BARD1: variants seen among roughly 807,000 people sequenced by gnomAD.
BARD1 encodes BRCA1-associated RING domain protein 1.
In BARD1, 73 loss-of-function variants were observed where a neutral mutation model predicts 77.0. The observed-to-expected ratio is 0.95, with a 90% CI of 0.79 to 1.15. The LOEUF (loss-of-function observed/expected upper bound fraction) is 1.15, where lower values mean the gene tolerates loss of function less well. BARD1 is among the 50% of genes most tolerant of loss of function. The pLI is 0.00. For synonymous variants in BARD1, 384 were observed against 338.0 expected (o/e 1.14, Z -1.49); for missense variants, 993 against 938.8 (o/e 1.06, Z -0.75).
At position 214,726,059 on chromosome 2, in the gene BARD1, G is replaced by A; in HGVS notation, c.*2617C>T. The stretch of plus-strand genomic sequence containing the variant: ...GTGCAAAAAAAAAAAAAGGTGGGGG[G>A]ACCGATGAAATAAAGGAAAAATTCT... On this transcript the variant is annotated 3_prime_UTR_variant, in exon 11 of 11. Transcript: ENST00000260947. 4.6e-6 allele frequency: 1 copy of A among 218,994 alleles called. No homozygotes were observed. The highest frequency in any genetic ancestry group is 9.1e-6 in the Non-Finnish European group (1 of 109,292). 13.6% of individuals were successfully genotyped at this position (218,994 alleles called of 1,614,324 possible). A position where few individuals can be genotyped will look rare whatever the true frequency, so the allele number is the denominator to read the frequency against.
intron 1 of BARD1, among the ~76,000 whole-genome samples, chr2:214,802,311 C>T (rs1402236968): frequency 6.6e-6 from 1 of 152,058 alleles, no homozygotes; most frequent in African/African-American, 2.4e-5. Context: ...ATAAAATAGG[C>T]TTTGTGTTAG....
chr2:214,754,702 T>C (rs1283262354), intron 6 of BARD1, among the ~76,000 whole-genome samples: 1 of 152,196 alleles, frequency 6.6e-6, no homozygotes, highest in African/African-American at 2.4e-5. Context: ...CTATGTCATA[T>C]GGTCTTAAAA....
intron 4 of BARD1, among the ~76,000 whole-genome samples, chr2:214,770,414 T>C (rs892810657): frequency 2.0e-5 from 3 of 152,226 alleles, no homozygotes; most frequent in Non-Finnish European, 4.4e-5. Flanking sequence ...AGCACACTGA[T>C]GCAATGGAGA....
chr2:214,771,922 A>T (rs573522415), intron 4 of BARD1, among the ~76,000 whole-genome samples: 1 of 114,044 alleles, frequency 8.8e-6, no homozygotes, highest in South Asian at 2.9e-4. Flanking sequence ...CCCCAGTTTC[A>T]GGAAAAAAAA....
At chr2:214,780,483 C>T in intron 4 of BARD1, 77 bp downstream of exon 4, 1 of 1,264,636 alleles carries the variant, frequency 7.9e-7, no homozygotes, top group Non-Finnish European at 1.1e-6. Context: ...AATCCTATGC[C>T]ATTTTTCAAA....
chr2:214,773,636 TAAAAAAAATG>T (rs1694613088), intron 4 of BARD1, among the ~76,000 whole-genome samples: 1 of 150,264 alleles, frequency 6.7e-6, no homozygotes, highest in Non-Finnish European at 1.5e-5. Flanking sequence ...TTATGTTTTT[TAAAAAAAATG>T]AACAGACCTT....
intron 7 of BARD1, among the ~76,000 whole-genome samples, chr2:214,751,079 C>G (rs1387675774): frequency 2.5e-5 from 1 of 39,460 alleles, no homozygotes; most frequent in Non-Finnish European, 4.8e-5. Context: ...CTGTGAAATT[C>G]TGTGTGTGTG....
chr2:214,792,186 C>T, intron 3 of BARD1, 111 bp downstream of exon 3: 3 of 792,228 alleles, frequency 3.8e-6, no homozygotes, highest in African/African-American at 1.9e-5. Flanking sequence ...ATTTTAAAAT[C>T]TGAAATACGT....
chr2:214,772,846 A>C (rs1345357513), intron 4 of BARD1, among the ~76,000 whole-genome samples: 1 of 152,240 alleles, frequency 6.6e-6, no homozygotes, highest in East Asian at 1.9e-4. Context: ...ACTGATATGA[A>C]GTAGCCAGGA....
intron 6 of BARD1, among the ~76,000 whole-genome samples, chr2:214,753,740 C>T (rs1271759506): frequency 2.0e-5 from 3 of 152,022 alleles, no homozygotes; most frequent in African/African-American, 7.2e-5. Context: ...GTTTTGATGG[C>T]AGAGTGGGAA....
chr2:214,793,365 C>A (rs1695617676), intron 2 of BARD1, among the ~76,000 whole-genome samples: 1 of 152,130 alleles, frequency 6.6e-6, no homozygotes, highest in African/African-American at 2.4e-5. Flanking sequence ...GAATCTGTAA[C>A]CCATACCAGA....
At chr2:214,769,163 A>C in intron 5 of BARD1, 69 bp downstream of exon 5, 1 of 1,325,976 alleles carries the variant, frequency 7.5e-7, no homozygotes, top group Non-Finnish European at 1.1e-6. Flanking sequence ...ATATATAGAC[A>C]ACTACATAAC....
chr2:214,764,556 G>GT (rs1329025294), intron 6 of BARD1, among the ~76,000 whole-genome samples: 1 of 152,178 alleles, frequency 6.6e-6, no homozygotes, highest in Admixed American at 6.5e-5. Flanking sequence ...GAAGGAAAGG[G>GT]GGAAAGGAGA....
intron 1 of BARD1, among the ~76,000 whole-genome samples, chr2:214,808,131 C>A (rs1434326211): frequency 2.0e-5 from 3 of 152,182 alleles, no homozygotes; most frequent in Non-Finnish European, 4.4e-5. Flanking sequence ...AAAGTTTGGC[C>A]GGGCACCGTG....
rs587781979 is a variant in BARD1, at chr2:214,809,529, ATCCTCGGCTGCCGGT to A, written c.26_40del (p.Asn9_Arg13del). ...GGAACGAGGCTCGTTCCCGGAGCGG[ATCCTCGGCTGCCGGT>A]TCCTCGGCTGCCGATTATCCGGCAT... On this transcript the variant is annotated inframe_deletion, in exon 1 of 11. Transcript: ENST00000260947. 71 of 1,585,944 alleles carry A rather than the reference ATCCTCGGCTGCCGGT, an allele frequency of 4.5e-5. No homozygotes were observed. The highest frequency in any genetic ancestry group is 1.5e-4 in the South Asian group (13 of 88,776).
At chr2:214,747,538 G>A (rs1431946697) in intron 7 of BARD1, among the ~76,000 whole-genome samples, 6 of 151,634 alleles carry the variant, frequency 4.0e-5, no homozygotes, top group African/African-American at 1.5e-4. Flanking sequence ...AAAAAAGGAT[G>A]AGTTCATGTC....
intron 6 of BARD1, 25 bp from the exon 7 acceptor site, chr2:214,752,580 TTAAG>T (rs1574756755): frequency 1.3e-6 from 2 of 1,561,832 alleles, no homozygotes; most frequent in South Asian, 1.1e-5. Flanking sequence ...GCAGATGTGT[TTAAG>T]TAAGTCAAAT....
In BARD1 at chr2:214,725,977, C is replaced by T. The variant is rs1277673410; in HGVS notation, c.*2699G>A. ...CTTATTCCCACAGGAAACATCAAACCTCCCCAAATATCATCCTCTAGGCAG... is the reference window on the plus strand; with the variant it reads ...CTTATTCCCACAGGAAACATCAAACTTCCCCAAATATCATCCTCTAGGCAG... On this transcript the variant is annotated 3_prime_UTR_variant, in exon 11 of 11. Coordinates refer to ENST00000260947, the MANE Select transcript of BARD1 (RefSeq NM_000465.4). 4.4e-6 allele frequency: 1 copy of T among 225,610 alleles called. No homozygotes were observed. Among genetic ancestry groups the T allele is most frequent in the Non-Finnish European group, 8.8e-6 (1 of 113,520 alleles). The allele number at this position is 225,610 out of a possible 1,614,324, so 14.0% of individuals were successfully genotyped here. A position where few individuals can be genotyped will look rare whatever the true frequency, so the allele number is the denominator to read the frequency against.
chr2:214,778,720 C>T (rs1055280339), intron 4 of BARD1, among the ~76,000 whole-genome samples: 2 of 152,112 alleles, frequency 1.3e-5, no homozygotes, highest in African/African-American at 4.8e-5. Flanking sequence ...AGAGCTGAAC[C>T]GCTATGATAG....
Sources: gnomAD v4.1 joint callset for allele counts (sites outside exome capture counted in the v4.1 genomes callset) on GRCh38, gnomAD v4.1.1 for gene constraint, MANE v1.5 for transcripts, NCBI Gene and HGNC (gene_info 2026-07-23, HGNC 2026-07-21) for gene names.